AGAP1: variants seen among roughly 807,000 people sequenced by gnomAD.
AGAP1 encodes arf-GAP with GTPase, ANK repeat and PH domain-containing protein 1.
In AGAP1, 29 loss-of-function variants were observed where a neutral mutation model predicts 105.3. The ratio of observed to expected loss-of-function variants is 0.28; its 90% CI spans 0.21 to 0.38. AGAP1 has a LOEUF of 0.38. Ranked by LOEUF, AGAP1 falls within the 10% of genes least tolerant of loss-of-function variation. AGAP1 has a pLI of 1.00. For missense variants in AGAP1, 998 were observed against 1,165.1 expected, an observed-to-expected ratio of 0.86 and a Z score of 2.09; for synonymous variants, 509 against 485.9, an observed-to-expected ratio of 1.05 and a Z score of -0.63.
chr2:235,966,720 G>A (rs929113081), intron 12 of AGAP1, among the ~76,000 whole-genome samples: 1 of 152,034 alleles, frequency 6.6e-6, no homozygotes, highest in African/African-American at 2.4e-5. Flanking sequence ...AGGAGCCCTG[G>A]GGTGGCCCTT....
chr2:236,126,849 T>G lies in AGAP1; in HGVS notation c.*2727T>G, dbSNP rs2060011617. On this transcript the variant is annotated 3_prime_UTR_variant, in exon 18 of 18. Transcript: ENST00000304032. ...AGTGTCTAACCAGAAGTCCTTTCTT[T>G]GCGGACCGCACTCTCGTTCCCACTT... 1 of 152,218 alleles carries G rather than the reference T, an allele frequency of 6.6e-6. No homozygotes were observed. Among genetic ancestry groups the G allele is most frequent in the African/African-American group, 2.4e-5 (1 of 41,442 alleles). 9.4% of individuals were successfully genotyped at this position (152,218 alleles called of 1,614,324 possible).
At chr2:235,497,940 T>C (rs1203581222) in intron 1 of AGAP1, among the ~76,000 whole-genome samples, 6 of 152,172 alleles carry the variant, frequency 3.9e-5, no homozygotes, top group African/African-American at 1.4e-4. Flanking sequence ...ATAGGGTTTC[T>C]CTTGTTGGCA....
At chr2:236,115,363 A>G (rs2059746229) in intron 16 of AGAP1, among the ~76,000 whole-genome samples, 1 of 152,172 alleles carries the variant, frequency 6.6e-6, no homozygotes, top group African/African-American at 2.4e-5. Context: ...GGGTCCAAGA[A>G]GTTATTAGAA....
In AGAP1 at chr2:235,905,511, C is replaced by CTT. The variant is rs1405487203; in HGVS notation, c.1156-3223_1156-3222dup. 1.3e-5 allele frequency among the ~76,000 whole-genome samples: 2 copies of CTT among 152,086 alleles called. No homozygotes were observed. Among genetic ancestry groups the CTT allele is most frequent in the Non-Finnish European group, 2.9e-5 (2 of 68,020 alleles). On this transcript the variant is annotated intron_variant, in intron 10 of 17. Transcript: ENST00000304032. The surrounding 1 kb of genome is among the most constrained non-coding windows in gnomAD (Gnocchi z 4.2). ...TTTCCTTTCTTTTCTCTTTTCTTTT[C>CTT]TTTTTGAGACAGAGTTTCCCTCTTG...
intron 16 of AGAP1, among the ~76,000 whole-genome samples, chr2:236,060,183 G>A (rs192679554): frequency 6.6e-6 from 1 of 152,264 alleles, no homozygotes; most frequent in East Asian, 1.9e-4. Flanking sequence ...AAAATACGGG[G>A]TAAATCTTTG....
rs1436087719 is a variant in AGAP1, at chr2:235,733,928, A to G, written c.311-7035A>G. On this transcript the variant is annotated intron_variant, in intron 3 of 17. Coordinates refer to ENST00000304032, the MANE Select transcript of AGAP1 (RefSeq NM_001037131.3). The surrounding 1 kb of genome is among the most constrained non-coding windows in gnomAD (Gnocchi z 5.0). ...ACCAATAAAACCTTTTTCCCAGTGT[A>G]TAAATAATATGTGGTCCAAAATTCC... 1.3e-5 allele frequency among the ~76,000 whole-genome samples: 2 copies of G among 152,224 alleles called. No individual in the cohort carries two copies. Among genetic ancestry groups the G allele is most frequent in the African/African-American group, 4.8e-5 (2 of 41,464 alleles).
intron 12 of AGAP1, among the ~76,000 whole-genome samples, chr2:235,937,659 C>T (rs898783858): frequency 3.3e-5 from 5 of 152,230 alleles, no homozygotes; most frequent in Non-Finnish European, 1.5e-5. Flanking sequence ...CCCTCTGGCC[C>T]TCGGCGTGTC....
chr2:235,500,493 C>T (rs1307041597), intron 1 of AGAP1, among the ~76,000 whole-genome samples: 1 of 152,214 alleles, frequency 6.6e-6, no homozygotes, highest in East Asian at 1.9e-4. Flanking sequence ...CTCCAGTTGA[C>T]TTGGTATCAT....
At position 236,113,222 on chromosome 2, in the gene AGAP1, C is replaced by T. The variant is rs2059693363; in HGVS notation, c.2115-6970C>T. ...GTGGTGCAATCTCAACTCACTGCAA[C>T]CTCCGCCTCCCGGGTTCAAGCAATT... On this transcript the variant is annotated intron_variant, in intron 16 of 17. Coordinates refer to ENST00000304032, the MANE Select transcript of AGAP1 (RefSeq NM_001037131.3). This position sits in a 1 kb window ranked among gnomAD's most constrained non-coding sequence, Gnocchi z 4.3. 6.6e-6 allele frequency among the ~76,000 whole-genome samples: 1 copy of T among 152,178 alleles called. No homozygotes were observed. Among genetic ancestry groups the T allele is most frequent in the Non-Finnish European group, 1.5e-5 (1 of 68,032 alleles).
chr2:235,651,179 C>A, intron 1 of AGAP1, among the ~76,000 whole-genome samples: 1 of 78,034 alleles, frequency 1.3e-5, no homozygotes. Flanking sequence ...AGTGAAACTC[C>A]ATCTCAAAAA....
intron 1 of AGAP1, among the ~76,000 whole-genome samples, chr2:235,702,934 G>GTGTTTTTTTTTTT: frequency 1.1e-5 from 1 of 88,946 alleles, no homozygotes. Flanking sequence ...AGTTTTCTTG[G>GTGTTTTTTTTTTT]TTTTTTTTTT....
chr2:236,035,175 C>T lies in AGAP1; in HGVS notation c.1646-1386C>T, dbSNP rs2057341136. Among the ~76,000 whole-genome samples the T allele has an allele frequency of 6.6e-6, 1 of 152,118 alleles. No individual in the cohort carries two copies. The highest frequency in any genetic ancestry group is 2.4e-5 in the African/African-American group (1 of 41,416). On this transcript the variant is annotated intron_variant, in intron 13 of 17. Coordinates refer to ENST00000304032, the MANE Select transcript of AGAP1 (RefSeq NM_001037131.3). The surrounding 1 kb of genome is among the most constrained non-coding windows in gnomAD (Gnocchi z 4.2). Reference sequence around the variant, plus strand: ...CAGTAGACATGAGCCAGCCCAATGGCCACGGGCTGGTGACAGAGATAAGTA... The same window carrying T: ...CAGTAGACATGAGCCAGCCCAATGGTCACGGGCTGGTGACAGAGATAAGTA...
chr2:235,606,506 T>A (rs114143700), intron 1 of AGAP1, among the ~76,000 whole-genome samples: 1 of 152,186 alleles, frequency 6.6e-6, no homozygotes, highest in Non-Finnish European at 1.5e-5. Context: ...ACATCCATAA[T>A]GAACCTTTTT....
chr2:235,686,640 TATATAGATATATATATATATATATA>T (rs1949436270), intron 1 of AGAP1, among the ~76,000 whole-genome samples: 6 of 48,662 alleles, frequency 1.2e-4, no homozygotes, highest in African/African-American at 5.2e-4. Flanking sequence ...TATATATATA[TATATAGATATATATATATATATATA>T]TTTTTTTTTT....
chr2:236,068,117 C>A (rs992668030), intron 16 of AGAP1, among the ~76,000 whole-genome samples: 1 of 152,108 alleles, frequency 6.6e-6, no homozygotes, highest in African/African-American at 2.4e-5. Flanking sequence ...GCTAAAAATA[C>A]GAAATTTAGC....
intron 16 of AGAP1, among the ~76,000 whole-genome samples, chr2:236,094,063 A>G (rs1022243449): frequency 1.3e-5 from 2 of 152,194 alleles, no homozygotes; most frequent in African/African-American, 4.8e-5. Flanking sequence ...TCAGAAATAT[A>G]TAAATGCATG....
At position 235,904,303 on chromosome 2, in the gene AGAP1, G is replaced by A. The variant is rs544810674; in HGVS notation, c.1156-4435G>A. 6.6e-6 allele frequency among the ~76,000 whole-genome samples: 1 copy of A among 152,188 alleles called. No individual in the cohort carries two copies. The highest frequency in any genetic ancestry group is 2.4e-5 in the African/African-American group (1 of 41,450). ...GAGGCACAGTTACCGAGCAATTGGCGGGTTCGGAAACAGGTCCCTTTGCTC... is the reference window on the plus strand; with the variant it reads ...GAGGCACAGTTACCGAGCAATTGGCAGGTTCGGAAACAGGTCCCTTTGCTC... On this transcript the variant is annotated intron_variant, in intron 10 of 17. Transcript: ENST00000304032. This position sits in a 1 kb window ranked among gnomAD's most constrained non-coding sequence, Gnocchi z 4.2.
Position 235,646,462 on chromosome 2 carries a change from C to T in AGAP1, c.164-62717C>T, listed in dbSNP as rs115532549. ...AAATGCAACATTCTAAGATGTGCCT[C>T]AGGAATAATTTTATTGACCAAAACC... On this transcript the variant is annotated intron_variant, in intron 1 of 17. Coordinates refer to ENST00000304032, the MANE Select transcript of AGAP1 (RefSeq NM_001037131.3). Among the ~76,000 whole-genome samples, 564 of 152,250 alleles carry T rather than the reference C, an allele frequency of 3.7e-3. 4 individuals carry two copies. Among genetic ancestry groups the T allele is most frequent in the African/African-American group, 0.013 (545 of 41,548 alleles).
At chr2:235,495,681 G>T (rs1352924703) in intron 1 of AGAP1, among the ~76,000 whole-genome samples, 2 of 152,240 alleles carry the variant, frequency 1.3e-5, no homozygotes, top group Admixed American at 1.3e-4. Flanking sequence ...TTCCGGGGCT[G>T]TGCCCTCTGG....
Sources: gnomAD v4.1 joint callset for allele counts (sites outside exome capture counted in the v4.1 genomes callset) on GRCh38, gnomAD v4.1.1 for gene constraint, Gnocchi (gnomAD v3.1) non-coding constraint, MANE v1.5 for transcripts, NCBI Gene and HGNC (gene_info 2026-07-23, HGNC 2026-07-21) for gene names.